Variants in RBFOX1 observed in about 807,000 individuals in gnomAD.
RBFOX1 encodes RNA binding fox-1 homolog 1, also known as RNA binding protein fox-1 homolog 1.
A neutral mutation model predicts 57.7 loss-of-function variants in RBFOX1; 8 were observed. The observed-to-expected ratio is 0.14, with a 90% CI of 0.08 to 0.25. RBFOX1 has a LOEUF of 0.25. Among genes scored for constraint, RBFOX1 ranks in the 10% least tolerant of loss-of-function variants. RBFOX1 has a pLI of 1.00. For synonymous variants in RBFOX1, 326 were observed against 222.4 expected, an observed-to-expected ratio of 1.47 and a Z score of -4.15; for missense variants, 611 against 548.5, an observed-to-expected ratio of 1.11 and a Z score of -1.14.
At chr16:5,814,885 C>G (rs376034740) in intron 3 of RBFOX1, among the ~76,000 whole-genome samples, 41 of 152,096 alleles carry the variant, frequency 2.7e-4, no homozygotes, top group African/African-American at 9.6e-4. Context: ...GCCGAGATTG[C>G]GCCACTGCAG....
At chr16:7,074,722 A>C (rs557846034) in intron 4 of RBFOX1, among the ~76,000 whole-genome samples, 1 of 152,346 alleles carries the variant, frequency 6.6e-6, no homozygotes, top group East Asian at 1.9e-4. Context: ...TCCAGAGAGC[A>C]TGGGGAAAAA....
intron 4 of RBFOX1, among the ~76,000 whole-genome samples, chr16:7,424,972 T>G (rs573719831): frequency 6.6e-6 from 1 of 152,348 alleles, no homozygotes; most frequent in East Asian, 1.9e-4. Context: ...AGAAGAATGT[T>G]ATCTTAGAGA....
intron 4 of RBFOX1, among the ~76,000 whole-genome samples, chr16:7,177,490 A>C (rs1264344261): frequency 7.0e-6 from 1 of 143,608 alleles, no homozygotes; most frequent in Non-Finnish European, 1.6e-5. Flanking sequence ...TGTATCAATA[A>C]AAAAAAAAAA....
intron 2 of RBFOX1, among the ~76,000 whole-genome samples, chr16:5,542,369 C>T (rs1037464757): frequency 5.3e-5 from 8 of 151,694 alleles, no homozygotes; most frequent in Non-Finnish European, 1.0e-4. Flanking sequence ...CTACCTCAGC[C>T]TCCCGAGTAG....
chr16:6,496,583 G>A (rs757058238), intron 2 of RBFOX1, among the ~76,000 whole-genome samples: 5 of 152,192 alleles, frequency 3.3e-5, no homozygotes, highest in South Asian at 2.1e-4. Context: ...ATTGCCCCTC[G>A]TCGAACTGGG....
intron 1 of RBFOX1, among the ~76,000 whole-genome samples, chr16:6,168,560 C>A (rs554265801): frequency 1.4e-4 from 21 of 152,188 alleles, no homozygotes; most frequent in African/African-American, 3.9e-4. Flanking sequence ...TAAAAATGAC[C>A]CATCAGAGGA....
chr16:5,694,704 G>C (rs1415532275), intron 3 of RBFOX1, among the ~76,000 whole-genome samples: 2 of 151,708 alleles, frequency 1.3e-5, no homozygotes, highest in East Asian at 3.9e-4. Flanking sequence ...CCTGACTCCC[G>C]ATTTAAAGTA....
intron 3 of RBFOX1, among the ~76,000 whole-genome samples, chr16:5,772,206 A>C (rs902410482): frequency 2.6e-5 from 4 of 152,190 alleles, no homozygotes; most frequent in Admixed American, 2.0e-4. Flanking sequence ...TTATAGAATA[A>C]CAATAGTGAA....
chr16:7,016,108 T>A (rs1175709516), intron 3 of RBFOX1, among the ~76,000 whole-genome samples: 1 of 152,128 alleles, frequency 6.6e-6, no homozygotes, highest in Non-Finnish European at 1.5e-5. Context: ...CTTAGTAAAG[T>A]TCATCACTTC....
At chr16:6,531,420 G>C (rs190243920) in intron 2 of RBFOX1, among the ~76,000 whole-genome samples, 1 of 152,148 alleles carries the variant, frequency 6.6e-6, no homozygotes, top group Non-Finnish European at 1.5e-5. Context: ...CATCTTACTC[G>C]TTGCTAGATT....
intron 4 of RBFOX1, among the ~76,000 whole-genome samples, chr16:7,362,275 GTA>G (rs1004082460): frequency 4.8e-5 from 7 of 144,690 alleles, no homozygotes; most frequent in Non-Finnish European, 7.5e-5. Flanking sequence ...TGTTTTGTGT[GTA>G]TGTTAGTATG....
At chr16:7,133,644 C>G (rs868047399) in intron 4 of RBFOX1, among the ~76,000 whole-genome samples, 1 of 152,054 alleles carries the variant, frequency 6.6e-6, no homozygotes, top group African/African-American at 2.4e-5. Context: ...CCTTGTAGAG[C>G]TTTTCTGTAT....
chr16:6,280,725 G>T (rs1341696518), intron 1 of RBFOX1, among the ~76,000 whole-genome samples: 2 of 151,902 alleles, frequency 1.3e-5, no homozygotes, highest in African/African-American at 4.8e-5. Context: ...GAAACATCAC[G>T]GTTTATGTGT....
At chr16:5,311,255 TAC>T (rs1000179558) in intron 1 of RBFOX1, among the ~76,000 whole-genome samples, 11 of 152,210 alleles carry the variant, frequency 7.2e-5, no homozygotes, top group Non-Finnish European at 1.2e-4. Context: ...CACACACATA[TAC>T]ACACACATAT....
intron 14 of RBFOX1, 80 bp from the exon 15 acceptor site, chr16:7,708,976 T>G: frequency 7.4e-7 from 1 of 1,355,388 alleles, no homozygotes; most frequent in South Asian, 1.2e-5. Context: ...GCATACTGTC[T>G]TGGTATTTTG....
At chr16:6,207,138 C>G (rs2097260738) in intron 1 of RBFOX1, among the ~76,000 whole-genome samples, 1 of 152,172 alleles carries the variant, frequency 6.6e-6, no homozygotes, top group African/African-American at 2.4e-5. Flanking sequence ...TTGGGTCACC[C>G]ATGACAGTGA....
intron 3 of RBFOX1, among the ~76,000 whole-genome samples, chr16:6,780,661 A>G (rs2080861545): frequency 6.8e-6 from 1 of 146,316 alleles, no homozygotes; most frequent in African/African-American, 2.5e-5. Context: ...GTATATATCT[A>G]TATTGCCTGT....
At chr16:7,499,405 G>T (rs1040519430) in intron 4 of RBFOX1, among the ~76,000 whole-genome samples, 1 of 152,132 alleles carries the variant, frequency 6.6e-6, no homozygotes, top group Non-Finnish European at 1.5e-5. Flanking sequence ...TACATCTGCA[G>T]TGACCCCATT....
chr16:6,192,157 A>G (rs558883016), intron 1 of RBFOX1, among the ~76,000 whole-genome samples: 1 of 150,004 alleles, frequency 6.7e-6, no homozygotes, highest in African/African-American at 2.5e-5. Context: ...CCCCATCGCA[A>G]TTTAGTTTGG....
Sources: gnomAD v4.1 joint callset for allele counts (sites outside exome capture counted in the v4.1 genomes callset) on GRCh38, gnomAD v4.1.1 for gene constraint, MANE v1.5 for transcripts, NCBI Gene and HGNC (gene_info 2026-07-23, HGNC 2026-07-21) for gene names.